MBP: variants seen among roughly 807,000 people sequenced by gnomAD.
The protein encoded by MBP is Golli-MBP.
MBP carries 16 observed loss-of-function variants against 35.8 expected under a neutral mutation model. That is an observed-to-expected ratio of 0.45 (90% CI 0.30 to 0.68). MBP has a LOEUF of 0.68. Ranked by LOEUF, MBP falls within the 30% of genes least tolerant of loss-of-function variation. The probability of loss-of-function intolerance (pLI) is 0.08; values close to 1 mark genes in which losing one functional copy is unlikely to be tolerated. For synonymous variants in MBP, 143 were observed against 159.6 expected (o/e 0.90, Z 0.78); for missense variants, 380 against 404.7 (o/e 0.94, Z 0.52).
intron 1 of MBP, among the ~76,000 whole-genome samples, chr18:77,122,370 C>T (rs749848800): frequency 6.6e-6 from 1 of 152,098 alleles, no homozygotes; most frequent in African/African-American, 2.4e-5. Flanking sequence ...GAGTGGACTA[C>T]GCCAATGATG....
At chr18:76,992,229 G>A (rs1351027811) in intron 4 of MBP, among the ~76,000 whole-genome samples, 1 of 152,170 alleles carries the variant, frequency 6.6e-6, no homozygotes, top group Non-Finnish European at 1.5e-5. Flanking sequence ...GTAGGGGAAC[G>A]TTTTTGGGAT....
In MBP at chr18:77,020,236, GTC is replaced by G. The variant is rs1971937746; in HGVS notation, c.140-2970_140-2969del. On this transcript the variant is annotated intron_variant, in intron 3 of 8. Transcript: ENST00000355994. This position sits in a 1 kb window ranked among gnomAD's most constrained non-coding sequence, Gnocchi z 4.1. ...TGGCTGGGACACTAAGGAAAGAAAG[GTC>G]TCTGGCCTGGGGTGGGGGAGTGGGG... is the stretch of plus-strand genomic sequence containing the variant. Among the ~76,000 whole-genome samples, 1 of 152,104 alleles carries G rather than the reference GTC, an allele frequency of 6.6e-6. No homozygotes were observed.
In MBP at chr18:77,016,936, C is replaced by T; in HGVS notation, c.472G>A (p.Ala158Thr). 6.2e-7 allele frequency: 1 copy of T among 1,614,220 alleles called. No individual in the cohort carries two copies. The highest frequency in any genetic ancestry group is 8.5e-7 in the Non-Finnish European group (1 of 1,180,040). ...YLATASTMDH[A>T]RHGFLPRHRD... ...TGCCTTGGGAGGAAGCCATGCCTGGCATGGTCCATGGTACTTGCTGTGGCC... is the reference window on the plus strand; with the variant it reads ...TGCCTTGGGAGGAAGCCATGCCTGGTATGGTCCATGGTACTTGCTGTGGCC... Residue 158 changes from alanine to threonine, a missense_variant, in exon 4 of 9, where the codon GCC becomes ACC. By Grantham distance (58) the Ala-to-Thr change is moderately conservative. Transcript: ENST00000355994.
intron 1 of MBP, among the ~76,000 whole-genome samples, chr18:77,121,281 G>C (rs1001745927): frequency 2.0e-5 from 3 of 150,848 alleles, no homozygotes; most frequent in African/African-American, 7.3e-5. Context: ...CTGCACTCCA[G>C]ACTGGGCAAC....
At chr18:77,021,645 A>G (rs1171577204) in intron 3 of MBP, among the ~76,000 whole-genome samples, 1 of 152,040 alleles carries the variant, frequency 6.6e-6, no homozygotes, top group Non-Finnish European at 1.5e-5. Flanking sequence ...CACTGTGCCC[A>G]GCTAATTTTT....
At chr18:76,991,283 A>G (rs1969898299) in intron 4 of MBP, among the ~76,000 whole-genome samples, 1 of 152,210 alleles carries the variant, frequency 6.6e-6, no homozygotes, top group Non-Finnish European at 1.5e-5. Context: ...CAACAGAACC[A>G]GAACACTCCA....
chr18:77,100,075 C>T (rs759448650), intron 2 of MBP, among the ~76,000 whole-genome samples: 6 of 152,230 alleles, frequency 3.9e-5, no homozygotes, highest in East Asian at 1.9e-4. Context: ...TGAATCTATA[C>T]GTGGATGTCC....
intron 3 of MBP, among the ~76,000 whole-genome samples, chr18:77,043,820 A>G (rs1973109748): frequency 2.0e-5 from 3 of 152,104 alleles, no homozygotes; most frequent in Admixed American, 1.3e-4. Context: ...ACACATCTCT[A>G]TGGATTTAAG....
At chr18:77,068,923 C>T (rs974851854) in intron 2 of MBP, 7 of 457,208 alleles carry the variant, frequency 1.5e-5, no homozygotes, top group African/African-American at 6.0e-5. Context: ...GAGCAGCAGC[C>T]GCCACCACGG....
chr18:76,986,821 A>T, intron 7 of MBP: 1 of 985,414 alleles, frequency 1.0e-6, no homozygotes, highest in Non-Finnish European at 1.2e-6. Context: ...AAATCCGGGG[A>T]TTGACTTTCA....
At chr18:77,079,781 C>T (rs1441282555) in intron 2 of MBP, among the ~76,000 whole-genome samples, 2 of 152,176 alleles carry the variant, frequency 1.3e-5, no homozygotes, top group Non-Finnish European at 2.9e-5. Flanking sequence ...AATATTCCTT[C>T]CACACTCAGA....
At chr18:77,123,419 G>A (rs2145230568) in intron 1 of MBP, among the ~76,000 whole-genome samples, 1 of 152,346 alleles carries the variant, frequency 6.6e-6, no homozygotes, top group East Asian at 1.9e-4. Flanking sequence ...ATTTATCAGT[G>A]AAACAGAAAG....
chr18:77,050,797 C>T (rs28729533), intron 3 of MBP, among the ~76,000 whole-genome samples: 9,014 of 152,244 alleles, frequency 0.059, 917 homozygotes, highest in African/African-American at 0.21. Flanking sequence ...CTGCCCGCCT[C>T]GGACTCCCAA....
chr18:77,073,594 G>A (rs576279313), intron 2 of MBP, among the ~76,000 whole-genome samples: 21 of 152,334 alleles, frequency 1.4e-4, no homozygotes, highest in African/African-American at 2.4e-4. Flanking sequence ...GCCCTGCTCC[G>A]CAGGGAGACA....
intron 4 of MBP, among the ~76,000 whole-genome samples, chr18:77,001,003 CTCTTAGT>C (rs1287324770): frequency 6.6e-6 from 1 of 152,202 alleles, no homozygotes; most frequent in Non-Finnish European, 1.5e-5. Context: ...AGAGTTCAAG[CTCTTAGT>C]TCTTTGTCTG....
intron 7 of MBP, chr18:76,987,361 A>T (rs1969615582): frequency 2.0e-6 from 2 of 985,358 alleles, no homozygotes; most frequent in South Asian, 9.4e-5. Flanking sequence ...CGTTTTGCAA[A>T]TTCATTAGGT....
chr18:77,010,361 C>T (rs564156927), intron 4 of MBP, among the ~76,000 whole-genome samples: 13 of 152,286 alleles, frequency 8.5e-5, no homozygotes, highest in Non-Finnish European at 1.0e-4. Flanking sequence ...GGTTTTTTGA[C>T]GTCTACCATG....
intron 3 of MBP, 49 bp from the exon 4 acceptor site, chr18:77,017,317 C>G: frequency 6.9e-7 from 1 of 1,459,358 alleles, no homozygotes; most frequent in South Asian, 1.6e-5. Flanking sequence ...AAGCTGAGCA[C>G]CGGACAAAGC....
rs980527710 is a variant in MBP at position 76,987,565 on chromosome 18, T to C, written c.750+930A>G. 10 of 985,330 alleles carry C rather than the reference T, an allele frequency of 1.0e-5. No individual in the cohort carries two copies. The African/African-American group carries it at 1.7e-4, about 17-fold the overall frequency. The allele number at this position is 985,330 out of a possible 1,614,324, so 61.0% of individuals were successfully genotyped here. A position where few individuals can be genotyped will look rare whatever the true frequency, so the allele number is the denominator to read the frequency against. On this transcript the variant is annotated intron_variant, in intron 7 of 8. Coordinates refer to ENST00000355994, the MANE Select transcript of MBP (RefSeq NM_001025101.2). The stretch of plus-strand genomic sequence containing the variant: ...CCCTGTTCTTTCTTCCTGTTCTTTC[T>C]CCTTGTTGTTTTTCTTTTAAAATGT...
Sources: allele counts gnomAD v4.1 joint callset (sites outside exome capture counted in the v4.1 genomes callset), GRCh38; gene constraint gnomAD v4.1.1; non-coding constraint Gnocchi (gnomAD v3.1); transcripts MANE v1.5; gene names NCBI Gene and HGNC (gene_info 2026-07-23, HGNC 2026-07-21).